The following PAM variants were observed in gnomAD, a reference collection of about 807,000 sequenced individuals.
The protein encoded by PAM is peptidyl-glycine alpha-amidating monooxygenase.
In PAM, 72 loss-of-function variants were observed where a neutral mutation model predicts 122.1. That is an observed-to-expected ratio of 0.59 (90% CI 0.49 to 0.72). The LOEUF is 0.72. Among genes scored for constraint, PAM ranks in the 30% least tolerant of loss-of-function variants. PAM has a pLI of 0.00. For synonymous variants in PAM, 389 were observed against 404.4 expected (o/e 0.96, Z 0.46); for missense variants, 1,106 against 1,183.7 (o/e 0.93, Z 0.96).
chr5:103,020,245 CT>C (rs1783196358), intron 23 of PAM, among the ~76,000 whole-genome samples: 1 of 151,998 alleles, frequency 6.6e-6, no homozygotes, highest in Non-Finnish European at 1.5e-5. Context: ...TGAAAAATAT[CT>C]TTGGTGGGTC....
intron 16 of PAM, among the ~76,000 whole-genome samples, chr5:103,001,451 C>T (rs13170249): frequency 0.025 from 3,804 of 152,002 alleles, 91 homozygotes; most frequent in Admixed American, 0.065. Flanking sequence ...ATGATACTTC[C>T]ATTTCATAAA....
intron 1 of PAM, among the ~76,000 whole-genome samples, chr5:102,782,524 A>G (rs1297975901): frequency 3.3e-5 from 5 of 152,204 alleles, no homozygotes; most frequent in Admixed American, 2.6e-4. Flanking sequence ...GAAAACATCT[A>G]TGTTTATTGA....
intron 1 of PAM, among the ~76,000 whole-genome samples, chr5:102,856,583 T>A (rs1782690030): frequency 6.6e-6 from 1 of 152,218 alleles, no homozygotes; most frequent in Non-Finnish European, 1.5e-5. Flanking sequence ...AGCTGAGGAA[T>A]TTAATTAAGA....
intron 1 of PAM, among the ~76,000 whole-genome samples, chr5:102,775,506 G>A (rs999501335): frequency 3.9e-5 from 6 of 151,906 alleles, no homozygotes; most frequent in African/African-American, 9.7e-5. Context: ...ACCACACCCC[G>A]AAAGGCCCCA....
chr5:102,827,407 A>G (rs188345476), intron 1 of PAM, among the ~76,000 whole-genome samples: 20 of 149,694 alleles, frequency 1.3e-4, no homozygotes, highest in Admixed American at 1.2e-3. Context: ...CTGAGCCACT[A>G]TGATCCTAGG....
intron 7 of PAM, among the ~76,000 whole-genome samples, chr5:102,937,205 T>C (rs1341577194): frequency 5.3e-5 from 8 of 152,160 alleles, no homozygotes; most frequent in Admixed American, 2.0e-4. Flanking sequence ...CCTCCCCATA[T>C]ACAGGTGCAA....
chr5:102,846,504 C>A (rs35260081), intron 1 of PAM, among the ~76,000 whole-genome samples: 10,696 of 152,194 alleles, frequency 0.07, 742 homozygotes, highest in East Asian at 0.18. Flanking sequence ...CTGGTAAACA[C>A]CTGGTGGTTA....
rs115131897 is a variant in PAM at position 102,933,882 on chromosome 5, G to C, written c.526+7214G>C. 7.3e-3 allele frequency among the ~76,000 whole-genome samples: 1,114 copies of C among 152,272 alleles called. 8 individuals carry two copies. The highest frequency in any genetic ancestry group is 0.012 in the Non-Finnish European group (844 of 68,026). ...GCAGGTTGTTCTGACTTCAGTGTAA[G>C]CATCTGAGTGCTCCTGACTTCCTGA... On this transcript the variant is annotated intron_variant, in intron 7 of 25. Transcript: ENST00000438793.
At chr5:102,923,943 T>C (rs1201104777) in intron 5 of PAM, among the ~76,000 whole-genome samples, 2 of 152,218 alleles carry the variant, frequency 1.3e-5, no homozygotes, top group African/African-American at 4.8e-5. Flanking sequence ...CTTTGAAGTT[T>C]ATAAAGTCTC....
chr5:102,797,137 A>G (rs920749770), intron 1 of PAM, among the ~76,000 whole-genome samples: 1 of 152,204 alleles, frequency 6.6e-6, no homozygotes, highest in Admixed American at 6.5e-5. Flanking sequence ...ATTCTTCAGA[A>G]GACTACTGGC....
At chr5:102,900,830 G>T (rs1797612788) in intron 3 of PAM, among the ~76,000 whole-genome samples, 1 of 151,390 alleles carries the variant, frequency 6.6e-6, no homozygotes. Flanking sequence ...AGAAATAATA[G>T]CTTGAGTTAA....
intron 1 of PAM, among the ~76,000 whole-genome samples, chr5:102,819,043 C>G (rs1477995611): frequency 6.6e-6 from 1 of 152,148 alleles, no homozygotes. Flanking sequence ...AAGAGAATAA[C>G]TGAGCTGGGA....
At chr5:102,754,867 A>G (rs1749664302), upstream of PAM, 1 of 152,208 alleles carries the variant, frequency 6.6e-6, no homozygotes, top group Admixed American at 6.5e-5. Context: ...AGGGTCAGAG[A>G]CTTTCAGGCC....
chr5:102,897,289 T>C (rs924221412), intron 3 of PAM, among the ~76,000 whole-genome samples: 3 of 151,162 alleles, frequency 2.0e-5, no homozygotes, highest in African/African-American at 7.3e-5. Flanking sequence ...CAATCAGGGG[T>C]TGGTATAGAG....
chr5:102,851,988 A>G (rs1362399386), intron 1 of PAM, among the ~76,000 whole-genome samples: 1 of 152,220 alleles, frequency 6.6e-6, no homozygotes, highest in East Asian at 1.9e-4. Flanking sequence ...AAATTCTACT[A>G]TGCCAAAAAA....
At chr5:102,829,428 G>C (rs1774729309) in intron 1 of PAM, among the ~76,000 whole-genome samples, 1 of 149,032 alleles carries the variant, frequency 6.7e-6, no homozygotes, top group Admixed American at 6.8e-5. Flanking sequence ...CAGGAGTGCA[G>C]TGTCGCGATC....
chr5:102,990,703 T>G (rs1389811118), intron 16 of PAM, among the ~76,000 whole-genome samples: 4 of 152,172 alleles, frequency 2.6e-5, no homozygotes, highest in South Asian at 2.1e-4. Flanking sequence ...TTAAAGATAG[T>G]TAAGCCAGTA....
At chr5:102,845,699 C>T (rs976958495) in intron 1 of PAM, among the ~76,000 whole-genome samples, 4 of 152,114 alleles carry the variant, frequency 2.6e-5, no homozygotes, top group Non-Finnish European at 5.9e-5. Flanking sequence ...ATGAAAACAT[C>T]GTGCTGAAGA....
intron 1 of PAM, among the ~76,000 whole-genome samples, chr5:102,833,557 G>C (rs1776043159): frequency 6.6e-6 from 1 of 152,146 alleles, no homozygotes; most frequent in Non-Finnish European, 1.5e-5. Flanking sequence ...TGTGGACATT[G>C]AGATAAAATA....
Sources: allele counts gnomAD v4.1 joint callset (sites outside exome capture counted in the v4.1 genomes callset), GRCh38; gene constraint gnomAD v4.1.1; transcripts MANE v1.5; gene names NCBI Gene and HGNC (gene_info 2026-07-23, HGNC 2026-07-21).